The following CDH20 variants were observed in gnomAD, a reference collection of about 807,000 sequenced individuals.
The protein encoded by CDH20 is cadherin-20.
CDH20 carries 29 observed loss-of-function variants against 74.2 expected under a neutral mutation model. That is an observed-to-expected ratio of 0.39 (90% CI 0.29 to 0.53). The LOEUF is 0.53. Among genes scored for constraint, CDH20 ranks in the 20% least tolerant of loss-of-function variants. The pLI, the probability that CDH20 is intolerant of heterozygous loss-of-function variation, is 0.69. For missense variants in CDH20, 988 were observed against 1,048.3 expected, an observed-to-expected ratio of 0.94 and a Z score of 0.79; for synonymous variants, 469 against 405.4, an observed-to-expected ratio of 1.16 and a Z score of -1.88.
rs1024134239 is a variant in CDH20, at chr18:61,393,210, G to T, written c.-153+59383G>T. ...AATTTCACTAGAAACCAGAAAAGGG[G>T]AAGATCAACTACCCCTTCATCTTCT... On this transcript the variant is annotated intron_variant, in intron 1 of 11. Transcript: ENST00000262717. Among the ~76,000 whole-genome samples, 4 of 152,208 alleles carry T rather than the reference G, an allele frequency of 2.6e-5. No individual in the cohort carries two copies. The South Asian group carries it at 8.3e-4, about 32-fold the overall frequency.
chr18:61,460,864 A>T (rs967774825), intron 1 of CDH20, among the ~76,000 whole-genome samples: 2 of 152,170 alleles, frequency 1.3e-5, no homozygotes, highest in Non-Finnish European at 2.9e-5. Context: ...ATATTTAAAA[A>T]CTTTCTTAAA....
At chr18:61,501,810 G>A (rs1250548862) in intron 4 of CDH20, among the ~76,000 whole-genome samples, 2 of 152,104 alleles carry the variant, frequency 1.3e-5, no homozygotes, top group Non-Finnish European at 2.9e-5. Context: ...TGCCCACAGG[G>A]AGGAAAAATG....
At chr18:61,461,196 C>A (rs2144358404) in intron 1 of CDH20, among the ~76,000 whole-genome samples, 1 of 152,022 alleles carries the variant, frequency 6.6e-6, no homozygotes, top group East Asian at 1.9e-4. Context: ...AGTATTCTAT[C>A]TCAAACAGTA....
At chr18:61,538,584 G>GTTTTTTTTTTTTTTTTTTTTT (rs1568182044) in intron 8 of CDH20, among the ~76,000 whole-genome samples, 1 of 55,844 alleles carries the variant, frequency 1.8e-5, no homozygotes, top group Non-Finnish European at 3.5e-5. Context: ...ACTACTTTTT[G>GTTTTTTTTTTTTTTTTTTTTT]TTTGTTTGTT....
intron 2 of CDH20, among the ~76,000 whole-genome samples, chr18:61,498,968 C>G (rs778925186): frequency 3.9e-5 from 6 of 152,094 alleles, no homozygotes; most frequent in Non-Finnish European, 5.9e-5. Flanking sequence ...GTTCAGGATA[C>G]AGAATGGGAC....
intron 1 of CDH20, among the ~76,000 whole-genome samples, chr18:61,365,358 A>G (rs959939320): frequency 2.6e-5 from 4 of 152,200 alleles, no homozygotes; most frequent in African/African-American, 9.6e-5. Flanking sequence ...CTGCCTCTAT[A>G]TTAAATGGTC....
intron 1 of CDH20, among the ~76,000 whole-genome samples, chr18:61,421,216 A>G (rs1208438292): frequency 6.6e-6 from 1 of 152,236 alleles, no homozygotes; most frequent in Non-Finnish European, 1.5e-5. Flanking sequence ...AATGTTCGAG[A>G]AATTTTTTGT....
chr18:61,421,593 T>G (rs1261939651), intron 1 of CDH20, among the ~76,000 whole-genome samples: 1 of 152,164 alleles, frequency 6.6e-6, no homozygotes, highest in Non-Finnish European at 1.5e-5. Flanking sequence ...AGAGTTACTA[T>G]AGTTAACACG....
At chr18:61,468,888 GA>G (rs1201850761) in intron 1 of CDH20, among the ~76,000 whole-genome samples, 16 of 152,128 alleles carry the variant, frequency 1.1e-4, no homozygotes, top group Admixed American at 9.8e-4. Context: ...TCTTTATTAT[GA>G]ATTTGTTTCC....
At chr18:61,478,396 AT>A (rs1489967521) in intron 1 of CDH20, among the ~76,000 whole-genome samples, 5 of 152,152 alleles carry the variant, frequency 3.3e-5, no homozygotes, top group Admixed American at 1.3e-4. Flanking sequence ...AGTATATAAA[AT>A]ATAACAATTT....
chr18:61,475,116 G>T (rs1910323040), intron 1 of CDH20, among the ~76,000 whole-genome samples: 1 of 152,172 alleles, frequency 6.6e-6, no homozygotes, highest in African/African-American at 2.4e-5. Flanking sequence ...CAGATAACAG[G>T]ATAGATGAGA....
chr18:61,354,265 G>A (rs1910416960), intron 1 of CDH20, among the ~76,000 whole-genome samples: 2 of 152,000 alleles, frequency 1.3e-5, no homozygotes, highest in South Asian at 4.1e-4. Flanking sequence ...CTTCTTTCCT[G>A]TGGAATTATA....
At chr18:61,369,678 T>C (rs1910966936) in intron 1 of CDH20, among the ~76,000 whole-genome samples, 1 of 152,120 alleles carries the variant, frequency 6.6e-6, no homozygotes, top group Admixed American at 6.6e-5. Flanking sequence ...TGTTCATCAG[T>C]CATAGACTGG....
intron 2 of CDH20, among the ~76,000 whole-genome samples, chr18:61,495,120 G>A (rs1599124308): frequency 1.3e-5 from 2 of 152,306 alleles, no homozygotes; most frequent in African/African-American, 2.4e-5. Context: ...TTCCCAAGAT[G>A]TACGTAACTG....
chr18:61,550,195 C>G lies in CDH20; in HGVS notation c.1866C>G (p.Leu622=). 1 of 1,614,030 alleles carries G rather than the reference C, an allele frequency of 6.2e-7. No individual in the cohort carries two copies. Among genetic ancestry groups the G allele is most frequent in the African/African-American group, 1.3e-5 (1 of 75,076 alleles). Residue 622 remains leucine, a synonymous_variant, in exon 11 of 12, where the codon CTC becomes CTG. Coordinates refer to ENST00000262717, the MANE Select transcript of CDH20 (RefSeq NM_031891.4). Reference sequence around the variant, plus strand: ...CAGTCAGTTTGAGCCGGGGCGCCCTCATTGCCATCCTCGCCTGCATCTTTG... The same window carrying G: ...CAGTCAGTTTGAGCCGGGGCGCCCTGATTGCCATCCTCGCCTGCATCTTTG... ...MLPVSLSRGA[L]IAILACIFVL... is the part of the protein sequence containing the mutation.
intron 6 of CDH20, among the ~76,000 whole-genome samples, chr18:61,517,937 G>C (rs1463473270): frequency 6.6e-6 from 1 of 152,066 alleles, no homozygotes; most frequent in Admixed American, 6.5e-5. Context: ...GGTGGAGGGA[G>C]GGGGGTCCAC....
intron 1 of CDH20, among the ~76,000 whole-genome samples, chr18:61,350,232 A>G (rs988903519): frequency 3.9e-5 from 6 of 152,058 alleles, no homozygotes; most frequent in African/African-American, 1.4e-4. Flanking sequence ...CAAAGAATCT[A>G]TGTTATTCTC....
chr18:61,363,660 C>T (rs978203405), intron 1 of CDH20, among the ~76,000 whole-genome samples: 6 of 152,138 alleles, frequency 3.9e-5, no homozygotes, highest in African/African-American at 1.4e-4. Flanking sequence ...GTGTTCTGGA[C>T]TTGTGCTACA....
chr18:61,395,749 C>A (rs773583180), intron 1 of CDH20, among the ~76,000 whole-genome samples: 1 of 152,112 alleles, frequency 6.6e-6, no homozygotes. Flanking sequence ...AATTATATGA[C>A]CTTGGCCAGG....
Sources: gnomAD v4.1 joint callset for allele counts (sites outside exome capture counted in the v4.1 genomes callset) on GRCh38, gnomAD v4.1.1 for gene constraint, MANE v1.5 for transcripts, NCBI Gene and HGNC (gene_info 2026-07-23, HGNC 2026-07-21) for gene names.